PACC1: variants seen among roughly 807,000 people sequenced by gnomAD.
PACC1 encodes proton activated chloride channel 1.
A neutral mutation model predicts 39.7 loss-of-function variants in PACC1; 34 were observed. The observed-to-expected ratio is 0.86, with a 90% CI of 0.65 to 1.14. The LOEUF is 1.14. Among genes scored for constraint, PACC1 ranks in the 50% most tolerant of loss-of-function variants. PACC1 has a pLI of 0.00. For missense variants in PACC1, 379 were observed against 436.4 expected (o/e 0.87, Z 1.17); for synonymous variants, 127 against 160.6 (o/e 0.79, Z 1.58).
At chr1:212,402,622 T>C (rs1480459108) in intron 2 of PACC1, among the ~76,000 whole-genome samples, 1 of 152,218 alleles carries the variant, frequency 6.6e-6, no homozygotes, top group Non-Finnish European at 1.5e-5. Flanking sequence ...GTCTTTTCAC[T>C]TTCTTGATAG....
chr1:212,403,311 G>A (rs543130479), intron 2 of PACC1, among the ~76,000 whole-genome samples: 1 of 152,146 alleles, frequency 6.6e-6, no homozygotes, highest in Non-Finnish European at 1.5e-5. Flanking sequence ...CTTTCTTGCA[G>A]CTCCTACCTC....
chr1:212,385,457 G>T (rs1257532044), intron 3 of PACC1, 32 bp from the exon 4 acceptor site: 1 of 1,612,994 alleles, frequency 6.2e-7, no homozygotes, highest in South Asian at 1.1e-5. Flanking sequence ...GCAAGTGTCA[G>T]AAATCACACT....
chr1:212,377,456 C>G (rs1660705909), intron 6 of PACC1, 106 bp downstream of exon 6: 2 of 1,487,678 alleles, frequency 1.3e-6, no homozygotes, highest in Admixed American at 3.6e-5. Flanking sequence ...GCCTACTCAC[C>G]CTTAAGGCCC....
intron 7 of PACC1, among the ~76,000 whole-genome samples, chr1:212,374,865 A>T (rs190570123): frequency 1.3e-5 from 2 of 152,246 alleles, no homozygotes; most frequent in Non-Finnish European, 2.9e-5. Context: ...GAACATTACT[A>T]CTAAGCAGCT....
chr1:212,365,206 G>C lies in PACC1; in HGVS notation c.*9C>G. ...ATGTGGACAGTTCTCTAAACAACGC[G>C]AGGTGACTTCAGCTTATGTGGCTCG... On this transcript the variant is annotated 3_prime_UTR_variant, in exon 8 of 8. Transcript: ENST00000261455. 6.2e-7 allele frequency: 1 copy of C among 1,611,938 alleles called. No homozygotes were observed. The highest frequency in any genetic ancestry group is 8.5e-7 in the Non-Finnish European group (1 of 1,179,102).
intron 7 of PACC1, among the ~76,000 whole-genome samples, chr1:212,372,975 A>G (rs1052537146): frequency 1.3e-5 from 2 of 152,202 alleles, no homozygotes; most frequent in African/African-American, 2.4e-5. Context: ...TAAAATACCA[A>G]TGACATTCTT....
chr1:212,413,868 C>T, intron 1 of PACC1: 1 of 1,521,404 alleles, frequency 6.6e-7, no homozygotes. Flanking sequence ...TTACAGCAAA[C>T]ACAGGGACAC....
intron 7 of PACC1, among the ~76,000 whole-genome samples, chr1:212,373,523 T>C (rs777930491): frequency 2.0e-5 from 3 of 152,190 alleles, no homozygotes; most frequent in Non-Finnish European, 4.4e-5. Context: ...AAAAAGCTTC[T>C]GTACAGCAAA....
chr1:212,392,975 A>G (rs1463606318), intron 2 of PACC1, among the ~76,000 whole-genome samples: 1 of 152,010 alleles, frequency 6.6e-6, no homozygotes, highest in Non-Finnish European at 1.5e-5. Flanking sequence ...AGACTCCCAC[A>G]CAATAATAAT....
intron 7 of PACC1, among the ~76,000 whole-genome samples, chr1:212,372,282 CAAAAAAAA>C (rs56708545): frequency 4.6e-4 from 60 of 130,958 alleles, no homozygotes; most frequent in African/African-American, 1.5e-3. Context: ...GAAACTGTGT[CAAAAAAAA>C]AAAACAAAAA....
intron 1 of PACC1, chr1:212,414,000 G>A (rs1314981477): frequency 2.0e-6 from 3 of 1,535,808 alleles, no homozygotes; most frequent in Non-Finnish European, 2.6e-6. Flanking sequence ...AAGTGGAGGC[G>A]GAGGAGGAGA....
intron 7 of PACC1, among the ~76,000 whole-genome samples, chr1:212,367,143 C>G (rs950107616): frequency 6.6e-6 from 1 of 152,136 alleles, no homozygotes; most frequent in African/African-American, 2.4e-5. Context: ...AAAGAGAACC[C>G]TCCAGCGATA....
intron 3 of PACC1, among the ~76,000 whole-genome samples, chr1:212,385,676 A>C (rs1316769212): frequency 1.3e-5 from 2 of 152,046 alleles, no homozygotes; most frequent in Non-Finnish European, 2.9e-5. Context: ...TGATGCCCAC[A>C]TCAAAACCCA....
chr1:212,406,578 T>C (rs1661927715), intron 2 of PACC1, among the ~76,000 whole-genome samples: 1 of 152,094 alleles, frequency 6.6e-6, no homozygotes, highest in African/African-American at 2.4e-5. Flanking sequence ...TCCATCAAAT[T>C]TGAGCCAACT....
At position 212,410,471 on chromosome 1, in the gene PACC1, C is replaced by T. The variant is rs1342965142; in HGVS notation, c.87G>A (p.Glu29=). ...GGACTCTGACCGTCTCCTTGTCCTGCTCGTCTGCCAGCTCTGAGTTCTCAA... is the reference window on the plus strand; with the variant it reads ...GGACTCTGACCGTCTCCTTGTCCTGTTCGTCTGCCAGCTCTGAGTTCTCAA... ...QVVENSELAD[E]QDKETVRVQG... is the part of the protein sequence containing the mutation. Residue 29 remains glutamate, a synonymous_variant, in exon 2 of 8, where the codon GAG becomes GAA. Coordinates refer to ENST00000261455, the MANE Select transcript of PACC1 (RefSeq NM_018252.3). 7 of 1,614,112 alleles carry T rather than the reference C, an allele frequency of 4.3e-6. No individual in the cohort carries two copies. The highest frequency in any genetic ancestry group is 1.6e-4 in the Middle Eastern group (1 of 6,084).
intron 7 of PACC1, 21 bp from the exon 8 acceptor site, chr1:212,365,397 A>G: frequency 6.3e-7 from 1 of 1,589,356 alleles, no homozygotes; most frequent in South Asian, 1.1e-5. Flanking sequence ...AACAGAAACA[A>G]ACAGGATTAC....
rs200858626 is a variant in PACC1 at position 212,377,631 on chromosome 1, G to A, written c.714C>T (p.Thr238=). Residue 238 remains threonine, a synonymous_variant, in exon 6 of 8, where the codon ACC becomes ACT. Transcript: ENST00000261455. ...TCTTTACCAGTGACATCTTGACCCA[G>A]GTGCGGAAGCCCCCAGAGAACTTCC... The part of the protein sequence containing the change: ...SSWKFSGGFR[T]WVKMSLVKTK... 6.2e-7 allele frequency: 1 copy of A among 1,614,190 alleles called. No individual in the cohort carries two copies. The highest frequency in any genetic ancestry group is 8.5e-7 in the Non-Finnish European group (1 of 1,180,028).
At chr1:212,368,147 TCA>T (rs933894383) in intron 7 of PACC1, among the ~76,000 whole-genome samples, 1 of 152,168 alleles carries the variant, frequency 6.6e-6, no homozygotes, top group Non-Finnish European at 1.5e-5. Context: ...TACAAGATAG[TCA>T]CAGTGTAACT....
chr1:212,395,030 C>G (rs1392700595), intron 2 of PACC1, among the ~76,000 whole-genome samples: 3 of 152,112 alleles, frequency 2.0e-5, no homozygotes, highest in Non-Finnish European at 4.4e-5. Context: ...TTTATAGATT[C>G]AATGCCATCC....
Sources: allele counts gnomAD v4.1 joint callset (sites outside exome capture counted in the v4.1 genomes callset), GRCh38; gene constraint gnomAD v4.1.1; transcripts MANE v1.5; gene names NCBI Gene and HGNC (gene_info 2026-07-23, HGNC 2026-07-21).